ROCK1: variants seen among roughly 807,000 people sequenced by gnomAD.
ROCK1 encodes rho-associated protein kinase 1.
Under a neutral mutation model 196.8 loss-of-function variants are expected in ROCK1, and 36 were observed. The ratio of observed to expected loss-of-function variants is 0.18; its 90% CI spans 0.14 to 0.24. The LOEUF (loss-of-function observed/expected upper bound fraction) is 0.24. Among genes scored for constraint, ROCK1 ranks in the 10% least tolerant of loss-of-function variants. ROCK1 has a pLI of 1.00. For synonymous variants in ROCK1, 443 were observed against 515.9 expected, an observed-to-expected ratio of 0.86 and a Z score of 1.91; for missense variants, 920 against 1,562.0, an observed-to-expected ratio of 0.59 and a Z score of 6.93.
chr18:21,103,407 A>C (rs2036676257), intron 1 of ROCK1, among the ~76,000 whole-genome samples: 1 of 152,066 alleles, frequency 6.6e-6, no homozygotes, highest in Non-Finnish European at 1.5e-5. Context: ...TTGAAGTTTT[A>C]ATTGAAGTGT....
At chr18:20,963,750 A>C (rs2035348229) in intron 27 of ROCK1, among the ~76,000 whole-genome samples, 1 of 152,170 alleles carries the variant, frequency 6.6e-6, no homozygotes, top group Admixed American at 6.5e-5. Flanking sequence ...ATCACATTAA[A>C]GTTTTTTGTC....
chr18:21,083,671 TCTTC>T (rs559475040), intron 1 of ROCK1, among the ~76,000 whole-genome samples: 115 of 152,346 alleles, frequency 7.5e-4, no homozygotes, highest in African/African-American at 2.7e-3. Flanking sequence ...ATATATTTTC[TCTTC>T]CTTATGATTT....
intron 9 of ROCK1, among the ~76,000 whole-genome samples, chr18:21,038,497 T>C (rs1207082315): frequency 6.6e-6 from 1 of 152,172 alleles, no homozygotes; most frequent in Non-Finnish European, 1.5e-5. Context: ...TTTTAAAATA[T>C]TTGATAACTA....
At chr18:21,030,088 G>T (rs1183083629) in intron 9 of ROCK1, among the ~76,000 whole-genome samples, 1 of 152,132 alleles carries the variant, frequency 6.6e-6, no homozygotes, top group Non-Finnish European at 1.5e-5. Flanking sequence ...ACACAAGAGG[G>T]ATATTAGGGC....
chr18:21,042,934 T>C (rs1346506819), intron 6 of ROCK1, among the ~76,000 whole-genome samples: 1 of 152,170 alleles, frequency 6.6e-6, no homozygotes, highest in African/African-American at 2.4e-5. Context: ...TGTATGTGTA[T>C]ACATGTGAAT....
intron 29 of ROCK1, among the ~76,000 whole-genome samples, chr18:20,959,040 A>ATTTT (rs2035284288): frequency 1.7e-5 from 1 of 57,426 alleles, no homozygotes; most frequent in African/African-American, 1.4e-4. Flanking sequence ...TATTTTATAT[A>ATTTT]ATATATAATA....
Position 20,947,422 on chromosome 18 carries a change from A to G in ROCK1, c.*3962T>C, listed in dbSNP as rs1304613837. The stretch of plus-strand genomic sequence containing the variant: ...CCAGAAAAAAAACACTAAAAGCATA[A>G]AAGATTTGGCAGTAAATATATCTAG... On this transcript the variant is annotated 3_prime_UTR_variant, in exon 33 of 33. Transcript: ENST00000399799. 1 of 152,180 alleles carries G rather than the reference A, an allele frequency of 6.6e-6. No individual in the cohort carries two copies. Among genetic ancestry groups the G allele is most frequent in the Admixed American group, 6.5e-5 (1 of 15,276 alleles). The allele number at this position is 152,180 out of a possible 1,614,324, so 9.4% of individuals were successfully genotyped here. A position where few individuals can be genotyped will look rare whatever the true frequency, so the allele number is the denominator to read the frequency against.
intron 23 of ROCK1, 118 bp downstream of exon 23, chr18:20,970,227 GACC>G: frequency 1.5e-6 from 1 of 648,990 alleles, no homozygotes; most frequent in Non-Finnish European, 2.6e-6. Context: ...AGTACAGAAT[GACC>G]ACTATGTATT....
chr18:21,059,702 C>A (rs2036272665), intron 2 of ROCK1, among the ~76,000 whole-genome samples: 1 of 152,036 alleles, frequency 6.6e-6, no homozygotes, highest in African/African-American at 2.4e-5. Context: ...TACGCAAGAA[C>A]AATAAAAACA....
At chr18:21,035,595 CATT>C (rs2036050033) in intron 9 of ROCK1, among the ~76,000 whole-genome samples, 1 of 152,086 alleles carries the variant, frequency 6.6e-6, no homozygotes, top group East Asian at 1.9e-4. Context: ...ATATATATAA[CATT>C]AATATGGATA....
At chr18:20,977,156 G>T (rs984956650) in intron 22 of ROCK1, among the ~76,000 whole-genome samples, 1 of 152,068 alleles carries the variant, frequency 6.6e-6, no homozygotes, top group African/African-American at 2.4e-5. Context: ...ATACTTATCA[G>T]TCACTAGCTT....
chr18:21,082,536 T>C (rs1484302628), intron 1 of ROCK1, among the ~76,000 whole-genome samples: 4 of 152,128 alleles, frequency 2.6e-5, no homozygotes, highest in African/African-American at 9.7e-5. Context: ...CATACAAAAA[T>C]ATTTTAATGT....
intron 9 of ROCK1, among the ~76,000 whole-genome samples, chr18:21,031,651 A>G (rs865984257): frequency 9.3e-5 from 14 of 150,956 alleles, no homozygotes; most frequent in Middle Eastern, 3.4e-3. Context: ...ACCACCTCTG[A>G]GGAAACCAAG....
intron 19 of ROCK1, among the ~76,000 whole-genome samples, chr18:20,986,307 G>A (rs2035577941): frequency 6.6e-6 from 1 of 152,082 alleles, no homozygotes; most frequent in African/African-American, 2.4e-5. Context: ...TATCCAGCCG[G>A]TACTCACTTT....
At chr18:21,042,472 T>C (rs1598540339) in intron 7 of ROCK1, 93 bp downstream of exon 7, 3 of 1,305,408 alleles carry the variant, frequency 2.3e-6, no homozygotes, top group Non-Finnish European at 2.1e-6. Flanking sequence ...AAAATCAAGA[T>C]TGCTTAATAT....
intron 12 of ROCK1, among the ~76,000 whole-genome samples, chr18:21,017,058 A>G (rs2035868974): frequency 1.3e-5 from 2 of 151,888 alleles, no homozygotes; most frequent in African/African-American, 2.4e-5. Context: ...TCTTCTCCTA[A>G]TAATTTCCAT....
At chr18:21,075,506 G>A (rs1467472131) in intron 1 of ROCK1, among the ~76,000 whole-genome samples, 1 of 152,170 alleles carries the variant, frequency 6.6e-6, no homozygotes, top group Admixed American at 6.5e-5. Context: ...ATAAGTTTGG[G>A]TTTAACAGAG....
At chr18:20,979,834 A>G in intron 22 of ROCK1, 76 bp downstream of exon 22, 3 of 1,430,630 alleles carry the variant, frequency 2.1e-6, no homozygotes, top group Non-Finnish European at 1.9e-6. Context: ...GAATAATGGC[A>G]CATCTATTCA....
chr18:20,979,969 T>A lies in ROCK1; in HGVS notation c.2595A>T (p.Glu865Asp). 6.4e-7 allele frequency: 1 copy of A among 1,554,382 alleles called. No individual in the cohort carries two copies. Among genetic ancestry groups the A allele is most frequent in the Non-Finnish European group, 8.7e-7 (1 of 1,147,890 alleles). Reference protein sequence around the residue: ...LYKTQVKELKEEIEEKNRENL... With the variant: ...LYKTQVKELKDEIEEKNRENL... ...TTTCTCTGTTTTTTTCTTCAATTTC[T>A]TCTTTAAGTTCCTTTACCTGGGTTT... The change falls in exon 22 of 33, where the codon GAA (glutamate) becomes GAT (aspartate). Residue 865 changes from glutamate to aspartate, a missense_variant. Glu to Asp is a conservative substitution (Grantham distance 45, BLOSUM62 2). Around this residue, in one of 6 missense-constraint regions of ROCK1, gnomAD observed 520 missense variants for 657.1 expected, o/e 0.79. Transcript: ENST00000399799.
Sources: allele counts gnomAD v4.1 joint callset (sites outside exome capture counted in the v4.1 genomes callset), GRCh38; gene constraint gnomAD v4.1.1; regional missense constraint gnomAD v4.1.1; transcripts MANE v1.5; gene names NCBI Gene and HGNC (gene_info 2026-07-23, HGNC 2026-07-21).